Variants in ARHGEF16 observed in about 807,000 individuals in gnomAD.
ARHGEF16 encodes Rho guanine exchange factor (GEF) 16.
ARHGEF16 carries 59 observed loss-of-function variants against 74.1 expected under a neutral mutation model. The observed-to-expected ratio is 0.80, with a 90% CI of 0.65 to 0.99. ARHGEF16 has a LOEUF of 0.99. ARHGEF16 is among the 50% of genes least tolerant of loss of function. ARHGEF16 has a pLI of 0.00. For missense variants in ARHGEF16, 948 were observed against 986.6 expected, an observed-to-expected ratio of 0.96 and a Z score of 0.52; for synonymous variants, 415 against 412.6, an observed-to-expected ratio of 1.01 and a Z score of -0.07.
chr1:3,456,619 T>C (rs1639272368), intron 1 of ARHGEF16, among the ~76,000 whole-genome samples: 1 of 152,188 alleles, frequency 6.6e-6, no homozygotes, highest in African/African-American at 2.4e-5. Flanking sequence ...AATACCCACC[T>C]TCCAGAAGTT....
intron 1 of ARHGEF16, among the ~76,000 whole-genome samples, chr1:3,460,507 A>T (rs1639368267): frequency 6.6e-6 from 1 of 152,140 alleles, no homozygotes; most frequent in African/African-American, 2.4e-5. Flanking sequence ...GGGCATGTCA[A>T]CCCACATCAA....
rs1299602396 is a variant in ARHGEF16 at position 3,469,494 on chromosome 1, A to G, written c.923A>G (p.Glu308Gly). 1.2e-6 allele frequency: 2 copies of G among 1,612,992 alleles called. No homozygotes were observed. Among genetic ancestry groups the G allele is most frequent in the African/African-American group, 2.7e-5 (2 of 74,894 alleles). Residue 308 changes from glutamate to glycine, a missense_variant, in exon 6 of 15, where the codon GAG (glutamate) becomes GGG (glycine). By Grantham distance (98) the Glu-to-Gly change is moderately conservative. Coordinates refer to ENST00000378378, the MANE Select transcript of ARHGEF16 (RefSeq NM_014448.4). ...SYQHSLSILVEEFLQSKELRA... is the reference protein window; with the variant it reads ...SYQHSLSILVGEFLQSKELRA... ...CAGCACAGCCTGAGCATCCTGGTGG[A>G]GGAGTTCCTGCAGTCCAAGGAGCTG...
At chr1:3,474,676 G>A (rs371386825) in intron 8 of ARHGEF16, 32 bp from the exon 9 acceptor site, 125 of 1,601,332 alleles carry the variant, frequency 7.8e-5, no homozygotes, top group Non-Finnish European at 1.0e-4. Flanking sequence ...TGCCAGAGGG[G>A]ACTTTCTGTC....
chr1:3,459,816 A>T (rs1170909338), intron 1 of ARHGEF16, among the ~76,000 whole-genome samples: 1 of 152,088 alleles, frequency 6.6e-6, no homozygotes, highest in Non-Finnish European at 1.5e-5. Context: ...CGGCACAGGC[A>T]TCGTGTGATG....
intron 6 of ARHGEF16, among the ~76,000 whole-genome samples, chr1:3,471,436 T>C (rs1188859739): frequency 1.3e-5 from 2 of 151,808 alleles, no homozygotes; most frequent in African/African-American, 4.8e-5. Flanking sequence ...GCCCTGAGGG[T>C]GGGCAGGGAG....
rs996909290 is a variant in ARHGEF16 at position 3,471,781 on chromosome 1, C to T, written c.1023-1297C>T. 7.1e-6 allele frequency: 8 copies of T among 1,123,158 alleles called. No homozygotes were observed. The South Asian group carries it at 7.4e-5, about 10-fold the overall frequency. 69.6% of individuals were successfully genotyped at this position (1,123,158 alleles called of 1,614,324 possible). ...CACAGTGAACTGTCTGGGGAATCATCGCTATTTGGGGTAAGCGGCTGGTGG... is the reference window on the plus strand; with the variant it reads ...CACAGTGAACTGTCTGGGGAATCATTGCTATTTGGGGTAAGCGGCTGGTGG... On this transcript the variant is annotated intron_variant, in intron 6 of 14. Transcript: ENST00000378378.
At chr1:3,473,617 T>G (rs754005014) in intron 8 of ARHGEF16, 95 bp downstream of exon 8, 5 of 1,560,566 alleles carry the variant, frequency 3.2e-6, no homozygotes, top group South Asian at 1.1e-5. Flanking sequence ...GCTTGTGACC[T>G]TCTCCTCCAG....
intron 3 of ARHGEF16, 122 bp downstream of exon 3, chr1:3,466,315 G>C: frequency 1.8e-6 from 2 of 1,087,860 alleles, no homozygotes; most frequent in Non-Finnish European, 2.6e-6. Flanking sequence ...CTGCTTGACA[G>C]GGTCCTTCCA....
chr1:3,456,523 A>G (rs149087249), intron 1 of ARHGEF16, among the ~76,000 whole-genome samples: 76 of 152,262 alleles, frequency 5.0e-4, no homozygotes, highest in African/African-American at 1.8e-3. Context: ...GGGGACAGCC[A>G]TCCAGGTCAG....
Position 3,477,972 on chromosome 1 carries a change from C to T in ARHGEF16, c.1571C>T (p.Pro524Leu), listed in dbSNP as rs889836209. 3.1e-6 allele frequency: 5 copies of T among 1,612,710 alleles called. No individual in the cohort carries two copies. The highest frequency in any genetic ancestry group is 4.2e-6 in the Non-Finnish European group (5 of 1,179,898). Reference sequence around the variant, plus strand: ...CTTTTTCGAAAAATTGCCAGCCGGCCAACGTGCTACCTTTTCCTGTTCAAC... The same window carrying T: ...CTTTTTCGAAAAATTGCCAGCCGGCTAACGTGCTACCTTTTCCTGTTCAAC... Reference protein sequence around the residue: ...TGLFRKIASRPTCYLFLFNDV... With the variant: ...TGLFRKIASRLTCYLFLFNDV... Residue 524 changes from proline to leucine, a missense_variant, in exon 11 of 15, where the codon CCA becomes CTA. Transcript: ENST00000378378.
At position 3,457,744 on chromosome 1, in the gene ARHGEF16, G is replaced by A. The variant is rs925668585; in HGVS notation, c.-20+2933G>A. On this transcript the variant is annotated intron_variant, in intron 1 of 14. Transcript: ENST00000378378. ...ACCTGCTTGGACCGGCCAGGCGGGG[G>A]CCCCTGAGACTGCCCAGAGACCATG... Among the ~76,000 whole-genome samples the A allele has an allele frequency of 4.6e-5, 7 of 152,318 alleles. No homozygotes were observed. In the South Asian group the frequency reaches 8.3e-4, roughly 18 times the overall value.
intron 6 of ARHGEF16, among the ~76,000 whole-genome samples, chr1:3,471,110 C>T (rs1299904795): frequency 1.1e-5 from 1 of 92,498 alleles, no homozygotes; most frequent in Non-Finnish European, 2.3e-5. Flanking sequence ...GTGTGTGTGC[C>T]TGGGCAGGGG....
intron 11 of ARHGEF16, 49 bp downstream of exon 11, chr1:3,478,075 G>A (rs1275067410): frequency 6.2e-7 from 1 of 1,610,708 alleles, no homozygotes; most frequent in Non-Finnish European, 8.5e-7. Flanking sequence ...ATGGACACTG[G>A]ACCGCTGGCC....
chr1:3,471,633 G>A (rs922332761), intron 6 of ARHGEF16: 4 of 1,185,860 alleles, frequency 3.4e-6, no homozygotes, highest in East Asian at 1.8e-4. Flanking sequence ...TGTGTCCTCC[G>A]GTCCCCTCTG....
intron 10 of ARHGEF16, among the ~76,000 whole-genome samples, chr1:3,477,654 CTGGT>C (rs1639924358): frequency 4.2e-5 from 1 of 23,690 alleles, no homozygotes; most frequent in African/African-American, 9.0e-5. Flanking sequence ...CGGGCAGGGT[CTGGT>C]CCGGCCTGGC....
Position 3,480,471 on chromosome 1 carries a change from C to T in ARHGEF16, c.2014C>T (p.Arg672Trp), listed in dbSNP as rs772762781. 49 of 1,612,492 alleles carry T rather than the reference C, an allele frequency of 3.0e-5. No individual in the cohort carries two copies. Among genetic ancestry groups the T allele is most frequent in the Admixed American group, 1.0e-4 (6 of 60,004 alleles). Residue 672 changes from arginine (R) to tryptophan (W), a missense_variant, in exon 15 of 15, where the codon CGG (arginine) becomes TGG (tryptophan). Transcript: ENST00000378378. ...AGGGTGGCTCTATGGCGAGAGGCTC[C>T]GGGACGGAGAGACGGGATGGTTCCC... ...EDGWLYGERL[R>W]DGETGWFPED...
intron 6 of ARHGEF16, chr1:3,471,560 G>A: frequency 1.0e-6 from 1 of 970,994 alleles, no homozygotes; most frequent in Non-Finnish European, 1.3e-6. Context: ...AGGGGTCTGG[G>A]ATAGCGGCTG....
At chr1:3,467,799 G>T (rs939599674) in intron 4 of ARHGEF16, among the ~76,000 whole-genome samples, 2 of 152,162 alleles carry the variant, frequency 1.3e-5, no homozygotes, top group Admixed American at 6.5e-5. Flanking sequence ...GCGTGGCCCG[G>T]CATTGGTCCC....
At position 3,480,495 on chromosome 1, in the gene ARHGEF16, C is replaced by T; in HGVS notation, c.2038C>T (p.Pro680Ser). The T allele has an allele frequency of 1.2e-6, 2 of 1,612,626 alleles. No individual in the cohort carries two copies. The highest frequency in any genetic ancestry group is 1.7e-6 in the Non-Finnish European group (2 of 1,179,960). Residue 680 changes from proline to serine, a missense_variant, in exon 15 of 15, where the codon CCC (proline) becomes TCC (serine). Transcript: ENST00000378378. Reference protein sequence around the residue: ...RLRDGETGWFPEDFARFITSR... With the variant: ...RLRDGETGWFSEDFARFITSR... ...CCGGGACGGAGAGACGGGATGGTTC[C>T]CCGAGGACTTTGCCCGCTTCATCAC...
Sources: allele counts gnomAD v4.1 joint callset (sites outside exome capture counted in the v4.1 genomes callset), GRCh38; gene constraint gnomAD v4.1.1; transcripts MANE v1.5; gene names NCBI Gene and HGNC (gene_info 2026-07-23, HGNC 2026-07-21).